The following KDM4C variants were observed in gnomAD, a reference collection of about 807,000 sequenced individuals.
The protein encoded by KDM4C is lysine demethylase 4C, also known as lysine-specific demethylase 4C.
A neutral mutation model predicts 129.3 loss-of-function variants in KDM4C; 81 were observed. That is an observed-to-expected ratio of 0.63 (90% CI 0.52 to 0.75). The LOEUF (loss-of-function observed/expected upper bound fraction) is 0.75, where lower values mean the gene tolerates loss of function less well. KDM4C is among the 30% of genes least tolerant of loss of function. The pLI is 0.00. For missense variants in KDM4C, 1,457 were observed against 1,304.0 expected (o/e 1.12, Z -1.81); for synonymous variants, 573 against 456.1 (o/e 1.26, Z -3.26).
intron 17 of KDM4C, among the ~76,000 whole-genome samples, chr9:7,073,803 C>T (rs1346153806): frequency 6.6e-6 from 1 of 152,144 alleles, no homozygotes. Context: ...TCACTCTTGC[C>T]TGGTGTCAGA....
chr9:7,083,855 C>G (rs555403288), intron 17 of KDM4C, among the ~76,000 whole-genome samples: 6 of 152,098 alleles, frequency 3.9e-5, no homozygotes, highest in Non-Finnish European at 8.8e-5. Context: ...TCCACTGTAA[C>G]TCTGTGAGAA....
At chr9:7,021,237 T>C (rs1032517957) in intron 15 of KDM4C, among the ~76,000 whole-genome samples, 1 of 151,830 alleles carries the variant, frequency 6.6e-6, no homozygotes, top group African/African-American at 2.4e-5. Context: ...CTGCAACCTC[T>C]GCCTCCCAGG....
rs545508641 is a variant in KDM4C at position 6,971,051 on chromosome 9, A to T, written c.922-9874A>T. On this transcript the variant is annotated intron_variant, in intron 8 of 21. Coordinates refer to ENST00000381309, the MANE Select transcript of KDM4C (RefSeq NM_015061.6). Reference sequence around the variant, plus strand: ...TGATGACAGCGCATTCCTTTTTTTTAAAAAGAAAAGATTTAAAAAAATTTT... The same window carrying T: ...TGATGACAGCGCATTCCTTTTTTTTTAAAAGAAAAGATTTAAAAAAATTTT... Among the ~76,000 whole-genome samples the T allele has an allele frequency of 1.7e-4, 26 of 152,244 alleles. 2 individuals are homozygous for T. Among genetic ancestry groups the T allele is most frequent in the East Asian group, 1.5e-3 (8 of 5,186 alleles).
rs538456796 is a variant in KDM4C, at chr9:6,779,604, C to A, written c.-17-13368C>A. ...AGCAGTGGCAGTTCCCTTGACAGCT[C>A]CTGCTGCAGCAGTGTTCTGGGAGAC... On this transcript the variant is annotated intron_variant, in intron 1 of 21. Transcript: ENST00000381309. Among the ~76,000 whole-genome samples, 558 of 152,270 alleles carry A rather than the reference C, an allele frequency of 3.7e-3. 3 individuals carry two copies. Among genetic ancestry groups the A allele is most frequent in the African/African-American group, 0.013 (537 of 41,562 alleles).
intron 8 of KDM4C, among the ~76,000 whole-genome samples, chr9:6,919,258 T>TCTTTCTTTC (rs1820962697): frequency 6.9e-6 from 1 of 145,070 alleles, no homozygotes; most frequent in African/African-American, 2.7e-5. Flanking sequence ...TTTCTTTCTT[T>TCTTTCTTTC]CTTTCTTTCT....
intron 13 of KDM4C, among the ~76,000 whole-genome samples, chr9:7,013,443 C>A (rs927785886): frequency 1.3e-5 from 2 of 152,098 alleles, no homozygotes; most frequent in African/African-American, 4.8e-5. Context: ...AGGTATGATT[C>A]TTCAGTAAAT....
intron 21 of KDM4C, chr9:7,170,877 T>C (rs1844885010): frequency 2.0e-6 from 1 of 497,068 alleles, no homozygotes; most frequent in Non-Finnish European, 2.6e-6. Context: ...GAATTGTCTT[T>C]GGCCTCACAT....
At chr9:6,932,111 G>T (rs58361204) in intron 8 of KDM4C, among the ~76,000 whole-genome samples, 1 of 151,946 alleles carries the variant, frequency 6.6e-6, no homozygotes, top group African/African-American at 2.4e-5. Flanking sequence ...GTTTGGGGTG[G>T]GGCCAGAGGG....
At position 6,814,651 on chromosome 9, in the gene KDM4C, T is replaced by C. The variant is rs754052620; in HGVS notation, c.341T>C (p.Leu114Ser). Reference protein sequence around the residue: ...NSGKYCTPRYLDYEDLERKYW... With the variant: ...NSGKYCTPRYSDYEDLERKYW... ...TACAGATATTGTACTCCAAGATACT[T>C]GGATTACGAAGATTTGGAGCGCAAG... Residue 114 changes from leucine to serine, a missense_variant, in exon 4 of 22, where the codon TTG becomes TCG. By Grantham distance (145) the Leu-to-Ser change is moderately radical (BLOSUM62 -2). Coordinates refer to ENST00000381309, the MANE Select transcript of KDM4C (RefSeq NM_015061.6). 1 of 1,605,166 alleles carries C rather than the reference T, an allele frequency of 6.2e-7. No homozygotes were observed. Among genetic ancestry groups the C allele is most frequent in the Non-Finnish European group, 8.5e-7 (1 of 1,175,438 alleles).
intron 8 of KDM4C, among the ~76,000 whole-genome samples, chr9:6,960,977 A>G (rs1012974973): frequency 6.6e-6 from 1 of 152,186 alleles, no homozygotes; most frequent in Non-Finnish European, 1.5e-5. Context: ...TAGACTACTT[A>G]TGAGCGACAT....
Position 7,052,903 on chromosome 9 carries a change from G to GAGAGAGCA in KDM4C, c.2424+3705_2424+3706insAGAGCAAG, listed in dbSNP as rs1288627919. Among the ~76,000 whole-genome samples the GAGAGAGCA allele has an allele frequency of 1.6e-3, 234 of 149,222 alleles. 6 individuals are homozygous for GAGAGAGCA. The highest frequency in any genetic ancestry group is 5.8e-3 in the African/African-American group (230 of 39,562). Reference sequence around the variant, plus strand: ...AGAGAGAGAGAGAGAGAGAGAGAGCGAGCGAGTGCCCAAGGGATGACAATA... The same window carrying GAGAGAGCA: ...AGAGAGAGAGAGAGAGAGAGAGAGCGAGAGAGCAAGCGAGTGCCCAAGGGATGACAATA... On this transcript the variant is annotated intron_variant, in intron 17 of 21. Coordinates refer to ENST00000381309, the MANE Select transcript of KDM4C (RefSeq NM_015061.6).
intron 1 of KDM4C, among the ~76,000 whole-genome samples, chr9:6,774,676 G>A (rs916191517): frequency 2.0e-5 from 3 of 151,936 alleles, no homozygotes; most frequent in Non-Finnish European, 4.4e-5. Context: ...TTTTAACATA[G>A]CATTAAAATA....
At chr9:6,868,265 A>G (rs1388235554) in intron 5 of KDM4C, among the ~76,000 whole-genome samples, 2 of 151,872 alleles carry the variant, frequency 1.3e-5, no homozygotes, top group Non-Finnish European at 2.9e-5. Context: ...AACTAGAGAC[A>G]CTCTAGCAAC....
intron 5 of KDM4C, among the ~76,000 whole-genome samples, chr9:6,864,274 A>G (rs7041698): frequency 0.04 from 6,149 of 152,272 alleles, 403 homozygotes; most frequent in African/African-American, 0.13. Flanking sequence ...TGCTGGTTTC[A>G]GTATTCTTGG....
At position 6,986,548 on chromosome 9, in the gene KDM4C, G is replaced by A. The variant is rs781518557; in HGVS notation, c.1559G>A (p.Ser520Asn). The A allele has an allele frequency of 6.2e-7, 1 of 1,614,064 alleles. No individual in the cohort carries two copies. Among genetic ancestry groups the A allele is most frequent in the Non-Finnish European group, 8.5e-7 (1 of 1,180,042 alleles). The change falls in exon 11 of 22, where the codon AGT (serine) becomes AAT (asparagine). Residue 520 changes from serine (S) to asparagine (N), a missense_variant. Ser to Asn is a conservative substitution (Grantham distance 46). Coordinates refer to ENST00000381309, the MANE Select transcript of KDM4C (RefSeq NM_015061.6). ...GAGTCATGCTCATCAGTGGCAGAGAGTAATGGTGTGTTAACAGAGGGAGAA... is the reference window on the plus strand; with the variant it reads ...GAGTCATGCTCATCAGTGGCAGAGAATAATGGTGTGTTAACAGAGGGAGAA... ...SPESCSSVAE[S>N]NGVLTEGEES...
At chr9:6,824,634 G>A (rs1588518673) in intron 4 of KDM4C, among the ~76,000 whole-genome samples, 1 of 112,708 alleles carries the variant, frequency 8.9e-6, no homozygotes, top group East Asian at 2.9e-4. Flanking sequence ...GCAAGACTCC[G>A]TCTCAAAAAA....
chr9:6,986,462 T>C lies in KDM4C; in HGVS notation c.1473T>C (p.Ser491=), dbSNP rs367589469. ...SSEADDSIPL[S]SGYEKPEKSD... ...AGGCTGATGATTCCATTCCATTGTC[T>C]AGTGGCTATGAGAAGCCCGAGAAAT... Residue 491 remains serine, a synonymous_variant, in exon 11 of 22, where the codon TCT becomes TCC. Transcript: ENST00000381309. 163 of 1,614,030 alleles carry C rather than the reference T, an allele frequency of 1.0e-4. No individual in the cohort carries two copies. Among genetic ancestry groups the C allele is most frequent in the Non-Finnish European group, 1.3e-4 (154 of 1,180,002 alleles).
At chr9:6,825,547 C>G (rs555774611) in intron 4 of KDM4C, among the ~76,000 whole-genome samples, 1 of 152,320 alleles carries the variant, frequency 6.6e-6, no homozygotes, top group Non-Finnish European at 1.5e-5. Context: ...GATTCTCAAA[C>G]TGGAAGCCAT....
At chr9:7,162,981 A>T (rs999146672) in intron 19 of KDM4C, among the ~76,000 whole-genome samples, 1 of 152,118 alleles carries the variant, frequency 6.6e-6, no homozygotes, top group African/African-American at 2.4e-5. Context: ...AGTGTGGCTT[A>T]TATCTGTTGG....
Sources: gnomAD v4.1 joint callset for allele counts (sites outside exome capture counted in the v4.1 genomes callset) on GRCh38, gnomAD v4.1.1 for gene constraint, MANE v1.5 for transcripts, NCBI Gene and HGNC (gene_info 2026-07-23, HGNC 2026-07-21) for gene names.